Variants in RBM33 observed in about 807,000 individuals in gnomAD.
RBM33 encodes RNA-binding protein 33.
Under a neutral mutation model 132.6 loss-of-function variants are expected in RBM33, and 28 were observed. The observed-to-expected ratio is 0.21, with a 90% CI of 0.16 to 0.29. The LOEUF is 0.29. RBM33 is among the 10% of genes least tolerant of loss of function. The probability of loss-of-function intolerance (pLI) is 1.00; values close to 1 mark genes in which losing one functional copy is unlikely to be tolerated. For missense variants in RBM33, 1,291 were observed against 1,518.5 expected (o/e 0.85, Z 2.49); for synonymous variants, 634 against 593.0 (o/e 1.07, Z -1.01).
intron 12 of RBM33, 24 bp downstream of exon 12, chr7:155,740,050 C>G: frequency 1.3e-6 from 2 of 1,494,700 alleles, no homozygotes; most frequent in Non-Finnish European, 1.8e-6. Context: ...GGTGTCTTCC[C>G]TGTGTCTTCC....
chr7:155,744,910 T>C (rs1585519686), intron 13 of RBM33, 51 bp from the exon 14 acceptor site: 1 of 1,482,864 alleles, frequency 6.7e-7, no homozygotes, highest in Admixed American at 2.4e-5. Context: ...AAATAGACTA[T>C]GGGCACCTTG....
chr7:155,703,641 G>T (rs1415027982), intron 6 of RBM33, among the ~76,000 whole-genome samples: 1 of 152,100 alleles, frequency 6.6e-6, no homozygotes, highest in African/African-American at 2.4e-5. Context: ...CAAAAGATTG[G>T]TTTCCTAAAA....
At chr7:155,715,411 A>G (rs1313346779) in intron 8 of RBM33, among the ~76,000 whole-genome samples, 3 of 152,194 alleles carry the variant, frequency 2.0e-5, no homozygotes, top group African/African-American at 7.2e-5. Flanking sequence ...AGTCTTAGAA[A>G]TATAGGGTGG....
intron 1 of RBM33, among the ~76,000 whole-genome samples, chr7:155,662,067 A>G (rs969167191): frequency 6.6e-6 from 1 of 151,858 alleles, no homozygotes; most frequent in African/African-American, 2.4e-5. Flanking sequence ...GGGTTATTTT[A>G]ATGAAGTGTT....
chr7:155,654,454 G>A (rs896871924), intron 1 of RBM33, among the ~76,000 whole-genome samples: 6 of 151,862 alleles, frequency 4.0e-5, no homozygotes, highest in African/African-American at 1.5e-4. Flanking sequence ...ATGAAGTATA[G>A]ATTTCTTACG....
At chr7:155,746,090 TTC>T (rs896042849) in intron 14 of RBM33, among the ~76,000 whole-genome samples, 17 of 152,360 alleles carry the variant, frequency 1.1e-4, no homozygotes, top group African/African-American at 3.8e-4. Context: ...TGCTTCAGTT[TTC>T]TCTTTTGAGT....
chr7:155,673,208 G>A (rs2116905309), intron 3 of RBM33, among the ~76,000 whole-genome samples: 1 of 152,226 alleles, frequency 6.6e-6, no homozygotes, highest in Admixed American at 6.5e-5. Context: ...TGCCATAACA[G>A]AAAGTCACAT....
At chr7:155,739,608 G>A in intron 11 of RBM33, 107 bp from the exon 12 acceptor site, 10 of 1,270,692 alleles carry the variant, frequency 7.9e-6, no homozygotes, top group Non-Finnish European at 9.5e-6. Context: ...TTTTGGTATC[G>A]CTGAAAGTTC....
intron 7 of RBM33, among the ~76,000 whole-genome samples, chr7:155,709,144 CTTTT>C (rs1267931324): frequency 6.6e-6 from 1 of 151,554 alleles, no homozygotes; most frequent in Non-Finnish European, 1.5e-5. Context: ...TTTGACCTTC[CTTTT>C]TATTTTCAAA....
intron 14 of RBM33, among the ~76,000 whole-genome samples, chr7:155,757,155 T>C (rs1239327702): frequency 3.3e-5 from 5 of 151,988 alleles, no homozygotes; most frequent in Admixed American, 2.6e-4. Context: ...AAGGGACAAG[T>C]TGAATCGAAG....
At chr7:155,735,602 G>T (rs896580562) in intron 9 of RBM33, among the ~76,000 whole-genome samples, 1 of 152,118 alleles carries the variant, frequency 6.6e-6, no homozygotes, top group African/African-American at 2.4e-5. Flanking sequence ...GGAGGCTGAG[G>T]TGGAAGGATC....
At chr7:155,730,812 A>G (rs1248365261) in intron 9 of RBM33, among the ~76,000 whole-genome samples, 1 of 152,212 alleles carries the variant, frequency 6.6e-6, no homozygotes, top group Non-Finnish European at 1.5e-5. Context: ...GTGACTGTGC[A>G]TTTAGACAGC....
At chr7:155,676,321 A>G (rs955244150) in intron 3 of RBM33, among the ~76,000 whole-genome samples, 10 of 152,182 alleles carry the variant, frequency 6.6e-5, no homozygotes, top group Admixed American at 3.9e-4. Context: ...AGTGGGTAAG[A>G]GTGAGGTGGA....
chr7:155,742,083 G>C lies in RBM33; in HGVS notation c.2314G>C (p.Glu772Gln), dbSNP rs1342043077. 2 of 1,613,322 alleles carry C rather than the reference G, an allele frequency of 1.2e-6. No homozygotes were observed. Among genetic ancestry groups the C allele is most frequent in the Admixed American group, 1.7e-5 (1 of 59,938 alleles). Reference sequence around the variant, plus strand: ...AGCTAGCCCTGTGGCTCAACCTAAAGAAGAGGCAAAAACAGAAACAGAGGT... The same window carrying C: ...AGCTAGCCCTGTGGCTCAACCTAAACAAGAGGCAAAAACAGAAACAGAGGT... ...KPASPVAQPK[E>Q]EAKTETEFPD... Residue 772 changes from glutamate (E) to glutamine (Q), a missense_variant, in exon 13 of 18, where the codon GAA becomes CAA. Coordinates refer to ENST00000401878, the MANE Select transcript of RBM33 (RefSeq NM_053043.3).
chr7:155,756,868 T>C (rs1032180417), intron 14 of RBM33, among the ~76,000 whole-genome samples: 3 of 152,118 alleles, frequency 2.0e-5, no homozygotes, highest in Non-Finnish European at 2.9e-5. Context: ...TCAAAACCCA[T>C]ATTTTCCTTT....
chr7:155,746,383 A>AG (rs1421262766), intron 14 of RBM33: 3 of 151,628 alleles, frequency 2.0e-5, no homozygotes, highest in Non-Finnish European at 4.4e-5. Context: ...AAAAAAAAAA[A>AG]GCGTCATAGA....
chr7:155,701,183 A>AAT (rs1554474731), intron 6 of RBM33: 16 of 540,974 alleles, frequency 3.0e-5, no homozygotes, highest in African/African-American at 7.8e-5. Flanking sequence ...ATTAAAAAAA[A>AAT]TTTTTTTTTG....
Position 155,665,175 on chromosome 7 carries a change from A to G in RBM33, c.44A>G (p.Asp15Gly), listed in dbSNP as rs758802752. The G allele has an allele frequency of 1.2e-6, 2 of 1,613,668 alleles. No homozygotes were observed. Among genetic ancestry groups the G allele is most frequent in the African/African-American group, 1.3e-5 (1 of 74,942 alleles). Residue 15 changes from aspartate (D) to glycine (G), a missense_variant and splice_region_variant, in exon 2 of 18, where the codon GAT becomes GGT. Around this residue, in one of 7 missense-constraint regions of RBM33, gnomAD observed 194 missense variants for 249.8 expected, o/e 0.78. Transcript: ENST00000401878. ...LGASGGAGAG[D>G]DDFDQFDKPG... ...TGACTTCAATGGACTGTTCTCATAG[A>G]TGATGACTTTGACCAGTTTGATAAG...
chr7:155,711,081 A>G, intron 7 of RBM33, 122 bp from the exon 8 acceptor site: 1 of 1,353,174 alleles, frequency 7.4e-7, no homozygotes, highest in East Asian at 3.0e-5. Flanking sequence ...ATTGTAACTT[A>G]AAAAATGCAA....
Sources: allele counts gnomAD v4.1 joint callset (sites outside exome capture counted in the v4.1 genomes callset), GRCh38; gene constraint gnomAD v4.1.1; regional missense constraint gnomAD v4.1.1; transcripts MANE v1.5; gene names NCBI Gene and HGNC (gene_info 2026-07-23, HGNC 2026-07-21).